DSCAM: variants seen among roughly 807,000 people sequenced by gnomAD.
The protein encoded by DSCAM is DS cell adhesion molecule.
A neutral mutation model predicts 217.7 loss-of-function variants in DSCAM; 47 were observed. The observed-to-expected ratio is 0.22, with a 90% CI of 0.17 to 0.28. The LOEUF is 0.28. Among genes scored for constraint, DSCAM ranks in the 10% least tolerant of loss-of-function variants. The probability of loss-of-function intolerance (pLI) is 1.00; values close to 1 mark genes in which losing one functional copy is unlikely to be tolerated. For synonymous variants in DSCAM, 1,056 were observed against 1,015.3 expected, an observed-to-expected ratio of 1.04 and a Z score of -0.76; for missense variants, 2,080 against 2,618.3, an observed-to-expected ratio of 0.79 and a Z score of 4.49.
intron 20 of DSCAM, among the ~76,000 whole-genome samples, chr21:40,097,707 C>A (rs952457823): frequency 2.0e-5 from 3 of 151,614 alleles, no homozygotes; most frequent in Non-Finnish European, 4.4e-5. Flanking sequence ...TGTGGGAGGC[C>A]GAGGCAGGTG....
At chr21:40,039,273 G>A (rs2088696761) in intron 32 of DSCAM, among the ~76,000 whole-genome samples, 1 of 150,112 alleles carries the variant, frequency 6.7e-6, no homozygotes. Context: ...ATATGTGAAG[G>A]AAAAACTGAT....
intron 27 of DSCAM, among the ~76,000 whole-genome samples, chr21:40,067,942 G>T (rs1402371501): frequency 6.6e-6 from 1 of 151,854 alleles, no homozygotes; most frequent in Admixed American, 6.6e-5. Context: ...CCCAAACACA[G>T]CTAAACAGCC....
intron 1 of DSCAM, among the ~76,000 whole-genome samples, chr21:40,768,824 A>G (rs1433805513): frequency 6.6e-6 from 1 of 152,224 alleles, no homozygotes; most frequent in African/African-American, 2.4e-5. Flanking sequence ...GAAGTTGAGC[A>G]CCAGACCTCG....
At chr21:40,635,193 C>T (rs928699882) in intron 3 of DSCAM, among the ~76,000 whole-genome samples, 1 of 151,868 alleles carries the variant, frequency 6.6e-6, no homozygotes, top group East Asian at 1.9e-4. Flanking sequence ...GAAATCCCAT[C>T]GACAGGAGAG....
chr21:40,046,996 C>CAAGTT (rs1462862555), intron 30 of DSCAM, among the ~76,000 whole-genome samples: 1 of 151,976 alleles, frequency 6.6e-6, no homozygotes, highest in Admixed American at 6.6e-5. Context: ...GGTCTCTTTT[C>CAAGTT]AAGTTAATTT....
chr21:40,608,754 T>A (rs1228663685), intron 3 of DSCAM, among the ~76,000 whole-genome samples: 1 of 152,204 alleles, frequency 6.6e-6, no homozygotes, highest in Non-Finnish European at 1.5e-5. Flanking sequence ...TTTAAATAAA[T>A]TCACATATTT....
chr21:40,557,871 T>C (rs2076684772), intron 3 of DSCAM, among the ~76,000 whole-genome samples: 1 of 152,196 alleles, frequency 6.6e-6, no homozygotes, highest in Non-Finnish European at 1.5e-5. Flanking sequence ...CACGCACTGA[T>C]ATCTCACTAG....
chr21:40,072,350 C>CTTTT (rs3069680), intron 27 of DSCAM, among the ~76,000 whole-genome samples: 2 of 141,464 alleles, frequency 1.4e-5, no homozygotes, highest in South Asian at 2.3e-4. Context: ...CTGTCAGATT[C>CTTTT]TTTTTTTTTT....
intron 10 of DSCAM, among the ~76,000 whole-genome samples, chr21:40,286,364 G>A (rs191509380): frequency 7.2e-4 from 110 of 152,174 alleles, no homozygotes; most frequent in Middle Eastern, 3.4e-3. Context: ...AGAATGAGAC[G>A]AAATGCCTTG....
rs549909428 is a variant in DSCAM at position 40,683,940 on chromosome 21, G to A, written c.508+8870C>T. ...AGACAATCAGTGAAGAGCTGGTTAA[G>A]ACCGGGCCACGCACGGTGGCTCACA... On this transcript the variant is annotated intron_variant, in intron 3 of 32. Transcript: ENST00000400454. Among the ~76,000 whole-genome samples the A allele has an allele frequency of 1.1e-4, 17 of 152,152 alleles. 1 individual carries two copies. Among genetic ancestry groups the A allele is most frequent in the South Asian group, 4.1e-4 (2 of 4,824 alleles).
At chr21:40,834,627 G>A (rs2123658864) in intron 1 of DSCAM, among the ~76,000 whole-genome samples, 1 of 152,040 alleles carries the variant, frequency 6.6e-6, no homozygotes, top group Non-Finnish European at 1.5e-5. Context: ...GAGCACCTTT[G>A]AATAGGGACA....
intron 1 of DSCAM, among the ~76,000 whole-genome samples, chr21:40,769,637 C>A (rs2091427537): frequency 6.6e-6 from 1 of 152,220 alleles, no homozygotes; most frequent in African/African-American, 2.4e-5. Flanking sequence ...CTTTCCCTGA[C>A]CAGACTTTAG....
At chr21:40,116,731 G>C (rs183814478) in intron 20 of DSCAM, among the ~76,000 whole-genome samples, 2 of 151,252 alleles carry the variant, frequency 1.3e-5, no homozygotes, top group African/African-American at 4.8e-5. Context: ...GACCGGGCGC[G>C]GTGGCTCACG....
At chr21:40,332,331 T>C (rs1217231526) in intron 8 of DSCAM, among the ~76,000 whole-genome samples, 1 of 152,182 alleles carries the variant, frequency 6.6e-6, no homozygotes, top group African/African-American at 2.4e-5. Context: ...TCAAAACATC[T>C]GCGTTTGAGT....
intron 3 of DSCAM, among the ~76,000 whole-genome samples, chr21:40,571,562 C>G (rs9976820): frequency 0.5 from 75,461 of 151,956 alleles, 18,971 homozygotes; most frequent in Admixed American, 0.57. Flanking sequence ...GAAAGAATAT[C>G]ATACATGATA....
At chr21:40,130,518 T>A (rs765349576) in intron 19 of DSCAM, among the ~76,000 whole-genome samples, 7 of 152,102 alleles carry the variant, frequency 4.6e-5, no homozygotes, top group Non-Finnish European at 8.8e-5. Context: ...ACTACAGGCA[T>A]GAGAATATGT....
chr21:40,170,139 G>A (rs575835499), intron 15 of DSCAM, among the ~76,000 whole-genome samples: 15 of 152,232 alleles, frequency 9.9e-5, no homozygotes, highest in Admixed American at 6.5e-5. Context: ...CAAAACACAC[G>A]GGACCCCTGG....
chr21:40,387,312 C>T (rs754850493), intron 3 of DSCAM, among the ~76,000 whole-genome samples: 31 of 151,616 alleles, frequency 2.0e-4, no homozygotes, highest in Admixed American at 7.2e-4. Flanking sequence ...CTACACAAGT[C>T]CTACACAAGA....
intron 11 of DSCAM, among the ~76,000 whole-genome samples, chr21:40,255,870 G>A (rs568958856): frequency 3.7e-4 from 56 of 152,294 alleles, no homozygotes; most frequent in African/African-American, 1.3e-3. Context: ...GTCAGAAAGA[G>A]CCAGGAAGAA....
Sources: gnomAD v4.1 joint callset for allele counts (sites outside exome capture counted in the v4.1 genomes callset) on GRCh38, gnomAD v4.1.1 for gene constraint, MANE v1.5 for transcripts, NCBI Gene and HGNC (gene_info 2026-07-23, HGNC 2026-07-21) for gene names.